Variants in STAG1 observed in about 807,000 individuals in gnomAD.
STAG1 encodes cohesin subunit SA-1.
STAG1 carries 26 observed loss-of-function variants against 170.9 expected under a neutral mutation model. The ratio of observed to expected loss-of-function variants is 0.15; its 90% confidence interval spans 0.11 to 0.21. STAG1 has a LOEUF of 0.21. STAG1 is among the 10% of genes least tolerant of loss of function. The pLI is 1.00. For missense variants in STAG1, 964 were observed against 1,509.5 expected, an observed-to-expected ratio of 0.64 and a Z score of 5.99; for synonymous variants, 514 against 497.7, an observed-to-expected ratio of 1.03 and a Z score of -0.44.
At chr3:136,627,146 A>G (rs1361934000) in intron 2 of STAG1, among the ~76,000 whole-genome samples, 1 of 152,260 alleles carries the variant, frequency 6.6e-6, no homozygotes, top group Non-Finnish European at 1.5e-5. Context: ...TGCCAACTGC[A>G]GTCAGCTTAA....
At chr3:136,675,527 G>A (rs746110393) in intron 1 of STAG1, among the ~76,000 whole-genome samples, 2 of 152,126 alleles carry the variant, frequency 1.3e-5, no homozygotes, top group Non-Finnish European at 2.9e-5. Context: ...TAGAACCACT[G>A]TTATCATTTT....
At chr3:136,372,282 T>C (rs1359954426) in intron 23 of STAG1, among the ~76,000 whole-genome samples, 1 of 152,250 alleles carries the variant, frequency 6.6e-6, no homozygotes, top group African/African-American at 2.4e-5. Flanking sequence ...TATACAATCA[T>C]GTCATCTGCA....
intron 6 of STAG1, among the ~76,000 whole-genome samples, chr3:136,541,161 T>C (rs532979235): frequency 2.0e-5 from 3 of 152,010 alleles, no homozygotes; most frequent in Admixed American, 6.6e-5. Flanking sequence ...CAAGTTAAAA[T>C]TAATAATAAT....
At chr3:136,572,620 A>G (rs533913088) in intron 4 of STAG1, among the ~76,000 whole-genome samples, 37 of 148,744 alleles carry the variant, frequency 2.5e-4, no homozygotes, top group South Asian at 6.3e-4. Flanking sequence ...AAAAAAAAAA[A>G]AAGTAAGCAA....
chr3:136,732,719 C>T (rs1233917402), intron 1 of STAG1, among the ~76,000 whole-genome samples: 1 of 152,014 alleles, frequency 6.6e-6, no homozygotes, highest in Non-Finnish European at 1.5e-5. Flanking sequence ...AAGTGATTCG[C>T]CTGCCTCAGC....
intron 7 of STAG1, among the ~76,000 whole-genome samples, chr3:136,511,024 G>A (rs886697894): frequency 1.3e-5 from 2 of 151,946 alleles, no homozygotes; most frequent in South Asian, 2.1e-4. Flanking sequence ...CACCTGTCTC[G>A]GCCTCCCAAA....
intron 19 of STAG1, among the ~76,000 whole-genome samples, 196 bp from the exon 20 acceptor site, chr3:136,421,359 T>C (rs571369799): frequency 6.6e-6 from 1 of 152,170 alleles, no homozygotes; most frequent in Non-Finnish European, 1.5e-5. Context: ...TTTTAAATAA[T>C]GTTGTGATAA....
In STAG1 at chr3:136,707,843, G is replaced by A. The variant is rs565131407; in HGVS notation, c.-84+44352C>T. Among the ~76,000 whole-genome samples, 5 of 152,256 alleles carry A rather than the reference G, an allele frequency of 3.3e-5. No homozygotes were observed. In the East Asian group the frequency reaches 9.6e-4, roughly 29 times the overall value. On this transcript the variant is annotated intron_variant, in intron 1 of 33. Coordinates refer to ENST00000383202, the MANE Select transcript of STAG1 (RefSeq NM_005862.3). ...AGAACAGCACCAGCAATTCATGAAGGATCTGCCCTCATAACCCAAATACCT... is the reference window on the plus strand; with the variant it reads ...AGAACAGCACCAGCAATTCATGAAGAATCTGCCCTCATAACCCAAATACCT...
intron 6 of STAG1, among the ~76,000 whole-genome samples, chr3:136,536,703 CAAAAAAAAAAAA>C (rs11321017): frequency 4.2e-5 from 3 of 70,934 alleles, no homozygotes; most frequent in East Asian, 4.6e-4. Flanking sequence ...ACTCAGTCTC[CAAAAAAAAAAAA>C]AAAAAAAAAA....
chr3:136,449,712 T>C (rs2088882187), intron 14 of STAG1, among the ~76,000 whole-genome samples: 1 of 152,166 alleles, frequency 6.6e-6, no homozygotes, highest in African/African-American at 2.4e-5. Flanking sequence ...AATTACTTCT[T>C]TAAATAAAAG....
At chr3:136,420,731 A>G (rs1176547548) in intron 20 of STAG1, among the ~76,000 whole-genome samples, 2 of 152,120 alleles carry the variant, frequency 1.3e-5, no homozygotes, top group Non-Finnish European at 2.9e-5. Flanking sequence ...TCAACCTCCC[A>G]AGTGGCTGGG....
intron 32 of STAG1, 135 bp from the exon 33 acceptor site, chr3:136,338,585 A>G (rs1935804912): frequency 3.1e-6 from 2 of 650,542 alleles, no homozygotes; most frequent in African/African-American, 3.7e-5. Flanking sequence ...GAAGAAGAGA[A>G]TCTGGCTTTT....
At chr3:136,750,969 A>C (rs1935196239) in intron 1 of STAG1, among the ~76,000 whole-genome samples, 1 of 152,238 alleles carries the variant, frequency 6.6e-6, no homozygotes, top group South Asian at 2.1e-4. Context: ...ATTTTCTTAA[A>C]ACACGAGGAA....
At chr3:136,618,974 C>T (rs747476727) in intron 3 of STAG1, among the ~76,000 whole-genome samples, 1 of 151,814 alleles carries the variant, frequency 6.6e-6, no homozygotes, top group African/African-American at 2.4e-5. Flanking sequence ...CTAATAGATA[C>T]CAAAATACTT....
intron 1 of STAG1, among the ~76,000 whole-genome samples, chr3:136,663,908 G>A (rs1212967923): frequency 1.3e-5 from 2 of 152,158 alleles, no homozygotes; most frequent in East Asian, 1.9e-4. Context: ...CTGCAGCAAA[G>A]ATAGTGGTTT....
At chr3:136,719,687 G>GTGGATGGATGGATGGATGGA (rs1217789868) in intron 1 of STAG1, among the ~76,000 whole-genome samples, 42 of 124,926 alleles carry the variant, frequency 3.4e-4, no homozygotes, top group African/African-American at 1.3e-3. Flanking sequence ...GGGTGGGTGG[G>GTGGATGGATGGATGGATGGA]TGGATGGATG....
chr3:136,528,943 C>T (rs1935219051), intron 6 of STAG1, among the ~76,000 whole-genome samples: 1 of 150,530 alleles, frequency 6.6e-6, no homozygotes, highest in Non-Finnish European at 1.5e-5. Flanking sequence ...AAGCAAAAAA[C>T]AAAACAAAAC....
intron 5 of STAG1, among the ~76,000 whole-genome samples, chr3:136,548,566 C>T (rs1488937501): frequency 6.6e-6 from 1 of 152,114 alleles, no homozygotes; most frequent in Non-Finnish European, 1.5e-5. Flanking sequence ...TGCAAAAAAT[C>T]CCATTGGAAT....
intron 7 of STAG1, among the ~76,000 whole-genome samples, chr3:136,507,418 C>G (rs1224284022): frequency 1.3e-5 from 2 of 152,132 alleles, no homozygotes; most frequent in Non-Finnish European, 2.9e-5. Context: ...GAATAGAGCA[C>G]AGTGGTGCAA....
Sources: allele counts gnomAD v4.1 joint callset (sites outside exome capture counted in the v4.1 genomes callset), GRCh38; gene constraint gnomAD v4.1.1; transcripts MANE v1.5; gene names NCBI Gene and HGNC (gene_info 2026-07-23, HGNC 2026-07-21).